The following RPH3A variants were observed in gnomAD, a reference collection of about 807,000 sequenced individuals.
The protein encoded by RPH3A is rabphilin-3A.
In RPH3A, 48 loss-of-function variants were observed where a neutral mutation model predicts 102.2. The observed-to-expected ratio is 0.47, with a 90% CI of 0.37 to 0.60. RPH3A has a LOEUF of 0.60. Among genes scored for constraint, RPH3A ranks in the 20% least tolerant of loss-of-function variants. The pLI is 0.00. For synonymous variants in RPH3A, 310 were observed against 324.3 expected, an observed-to-expected ratio of 0.96 and a Z score of 0.47; for missense variants, 781 against 910.1, an observed-to-expected ratio of 0.86 and a Z score of 1.83.
At chr12:112,619,246 CTGTGTGTGTGTGTGTGTGTGTGTGTGTG>C (rs60894997) in intron 1 of RPH3A, among the ~76,000 whole-genome samples, 7 of 125,366 alleles carry the variant, frequency 5.6e-5, no homozygotes, top group African/African-American at 1.2e-4. Flanking sequence ...TATGGTAATT[CTGTGTGTGTGTGTGTGTGTGTGTGTGTG>C]TGTGTGTGTG....
At chr12:112,896,626 C>A (rs2043183115) in intron 21 of RPH3A, 24 bp from the exon 22 acceptor site, 4 of 1,613,812 alleles carry the variant, frequency 2.5e-6, no homozygotes, top group Non-Finnish European at 3.4e-6. Flanking sequence ...ACCACCTGCT[C>A]CTATCTTCCC....
chr12:112,898,837 T>C lies in RPH3A; in HGVS notation c.*2057T>C, dbSNP rs1358877798. 1 of 152,264 alleles carries C rather than the reference T, an allele frequency of 6.6e-6. No individual in the cohort carries two copies. The highest frequency in any genetic ancestry group is 1.5e-5 in the Non-Finnish European group (1 of 68,046). 9.4% of individuals were successfully genotyped at this position (152,264 alleles called of 1,614,324 possible). On this transcript the variant is annotated 3_prime_UTR_variant, in exon 22 of 22. Transcript: ENST00000389385. ...CATGCACAACCACCCAGCATCTTTC[T>C]TTGTGATGATGTAGCCAAAAATAAA...
chr12:112,811,558 A>G (rs1462077283), intron 2 of RPH3A, among the ~76,000 whole-genome samples: 2 of 146,860 alleles, frequency 1.4e-5, no homozygotes, highest in African/African-American at 4.9e-5. Context: ...AGACCTGATT[A>G]CAGCATAACA....
At chr12:112,763,345 T>G (rs1274215519) in intron 1 of RPH3A, among the ~76,000 whole-genome samples, 1 of 152,232 alleles carries the variant, frequency 6.6e-6, no homozygotes, top group East Asian at 1.9e-4. Context: ...GACACAGCCC[T>G]CAGGAGATCC....
At chr12:112,631,653 G>C (rs987841012) in intron 1 of RPH3A, among the ~76,000 whole-genome samples, 4 of 151,934 alleles carry the variant, frequency 2.6e-5, no homozygotes, top group Non-Finnish European at 5.9e-5. Context: ...CTCTTGAGTA[G>C]GTGGGACCAC....
chr12:112,677,591 C>T (rs1037860411), intron 1 of RPH3A, among the ~76,000 whole-genome samples: 1 of 151,424 alleles, frequency 6.6e-6, no homozygotes, highest in Non-Finnish European at 1.5e-5. Flanking sequence ...TGAGCCACCC[C>T]ACCCTGCGAG....
chr12:112,895,213 C>T (rs2043159931), intron 20 of RPH3A, among the ~76,000 whole-genome samples: 2 of 152,154 alleles, frequency 1.3e-5, no homozygotes, highest in South Asian at 4.1e-4. Context: ...AGCAATTCTC[C>T]TGCCTCAGCT....
At chr12:112,738,691 C>T (rs189415926) in intron 1 of RPH3A, among the ~76,000 whole-genome samples, 4 of 152,264 alleles carry the variant, frequency 2.6e-5, no homozygotes, top group Non-Finnish European at 5.9e-5. Context: ...GAGCAGATGA[C>T]TCACCGGATG....
chr12:112,796,753 T>G (rs528449120), intron 2 of RPH3A, among the ~76,000 whole-genome samples: 1 of 152,266 alleles, frequency 6.6e-6, no homozygotes, highest in African/African-American at 2.4e-5. Context: ...AAAATGGCAA[T>G]AAAGACACAG....
At chr12:112,659,704 AATCT>A (rs1287245766) in intron 1 of RPH3A, among the ~76,000 whole-genome samples, 3 of 152,154 alleles carry the variant, frequency 2.0e-5, no homozygotes, top group Non-Finnish European at 1.5e-5. Context: ...TCTGTCAATC[AATCT>A]ATCTATCCAT....
chr12:112,852,016 A>T (rs895395379), intron 5 of RPH3A, among the ~76,000 whole-genome samples: 1 of 152,194 alleles, frequency 6.6e-6, no homozygotes, highest in South Asian at 2.1e-4. Flanking sequence ...TGGGTTAAGG[A>T]TTCAGACAGA....
intron 1 of RPH3A, among the ~76,000 whole-genome samples, chr12:112,783,108 G>A (rs530335514): frequency 1.3e-5 from 2 of 152,252 alleles, no homozygotes; most frequent in South Asian, 4.1e-4. Flanking sequence ...TGCCTTCCCT[G>A]CTTGGCCAAG....
At chr12:112,666,003 T>C (rs1166689734) in intron 1 of RPH3A, among the ~76,000 whole-genome samples, 1 of 152,120 alleles carries the variant, frequency 6.6e-6, no homozygotes, top group African/African-American at 2.4e-5. Context: ...GTTGGTCAGG[T>C]GAATCTAAGT....
chr12:112,822,310 G>A (rs1006862322), intron 2 of RPH3A, among the ~76,000 whole-genome samples: 14 of 152,256 alleles, frequency 9.2e-5, no homozygotes, highest in African/African-American at 3.1e-4. Flanking sequence ...GCAGACAGCT[G>A]CAGCTCCTGC....
At chr12:112,599,981 C>T (rs555942555) in intron 1 of RPH3A, among the ~76,000 whole-genome samples, 30 of 152,254 alleles carry the variant, frequency 2.0e-4, no homozygotes, top group South Asian at 8.3e-4. Flanking sequence ...TGTCTGCCTC[C>T]GGAGTTGCTG....
At chr12:112,617,065 G>T (rs961514023) in intron 1 of RPH3A, among the ~76,000 whole-genome samples, 2 of 152,310 alleles carry the variant, frequency 1.3e-5, no homozygotes, top group Non-Finnish European at 2.9e-5. Context: ...CCTGAGCCCT[G>T]AGGTCTGAGG....
At chr12:112,883,074 G>A (rs1413107005) in intron 15 of RPH3A, among the ~76,000 whole-genome samples, 2 of 152,112 alleles carry the variant, frequency 1.3e-5, no homozygotes, top group Non-Finnish European at 2.9e-5. Context: ...TGCATGGAGG[G>A]AGAGGGGACC....
In RPH3A at chr12:112,879,119, C is replaced by T; in HGVS notation, c.1172C>T (p.Thr391Ile). The T allele has an allele frequency of 6.2e-7, 1 of 1,613,588 alleles. No homozygotes were observed. The highest frequency in any genetic ancestry group is 8.5e-7 in the Non-Finnish European group (1 of 1,179,650). The change falls in exon 14 of 22, where the codon ACC becomes ATC. Residue 391 changes from threonine to isoleucine, a missense_variant and splice_region_variant. Physicochemically the swap from Thr to Ile is moderately conservative, Grantham distance 89 (BLOSUM62 -1). Around this residue, in one of 2 missense-constraint regions of RPH3A, gnomAD observed 730 missense variants for 810.0 expected, o/e 0.90. Transcript: ENST00000389385. ...TGGTTCCTGTCTCTGCCCCCTTCAG[C>T]CACCCTGGGTGCCCTGGAATTCAGC... Reference protein sequence around the residue: ...EANSYDSDEATTLGALEFSLL... With the variant: ...EANSYDSDEAITLGALEFSLL...
chr12:112,753,520 G>A (rs2040799882), intron 1 of RPH3A, among the ~76,000 whole-genome samples: 1 of 152,174 alleles, frequency 6.6e-6, no homozygotes, highest in African/African-American at 2.4e-5. Flanking sequence ...CTACTTTGCA[G>A]TTAGCCCTAC....
Sources: allele counts gnomAD v4.1 joint callset (sites outside exome capture counted in the v4.1 genomes callset), GRCh38; gene constraint gnomAD v4.1.1; regional missense constraint gnomAD v4.1.1; transcripts MANE v1.5; gene names NCBI Gene and HGNC (gene_info 2026-07-23, HGNC 2026-07-21).